The following ZFHX3 variants were observed in gnomAD, a reference collection of about 807,000 sequenced individuals.
The protein encoded by ZFHX3 is zinc finger homeobox protein 3.
A neutral mutation model predicts 279.1 loss-of-function variants in ZFHX3; 42 were observed. The observed-to-expected ratio is 0.15, with a 90% CI of 0.12 to 0.19. The LOEUF (loss-of-function observed/expected upper bound fraction) is 0.19, where lower values mean the gene tolerates loss of function less well. Ranked by LOEUF, ZFHX3 falls within the 10% of genes least tolerant of loss-of-function variation. ZFHX3 has a pLI of 1.00. For missense variants in ZFHX3, 4,981 were observed against 4,754.0 expected, an observed-to-expected ratio of 1.05 and a Z score of -1.40; for synonymous variants, 2,293 against 1,957.8, an observed-to-expected ratio of 1.17 and a Z score of -4.52.
At chr16:73,136,377 C>A (rs1393209757) in intron 6 of ZFHX3, among the ~76,000 whole-genome samples, 3 of 152,194 alleles carry the variant, frequency 2.0e-5, no homozygotes, top group Middle Eastern at 3.4e-3. Flanking sequence ...CAAAGAGCTT[C>A]ATTCTAAACT....
At position 72,998,484 on chromosome 16, in the gene ZFHX3, C is replaced by T. The variant is rs528984166; in HGVS notation, c.-49-38290G>A. On this transcript the variant is annotated intron_variant, in intron 1 of 9. Transcript: ENST00000268489. ...TCTTATTTAACCGAATCTGTCTACA[C>T]ATTATTTCAAACGTAATCGATCTAG... Among the ~76,000 whole-genome samples the T allele has an allele frequency of 9.2e-5, 14 of 152,316 alleles. No homozygotes were observed. In the East Asian group the frequency reaches 2.1e-3, roughly 23 times the overall value.
chr16:73,520,137 C>T (rs1372933198), intron 2 of ZFHX3, among the ~76,000 whole-genome samples: 1 of 152,018 alleles, frequency 6.6e-6, no homozygotes, highest in Non-Finnish European at 1.5e-5. Context: ...AAAAATGAGG[C>T]CTTCTTTAAG....
intron 4 of ZFHX3, among the ~76,000 whole-genome samples, chr16:72,876,668 A>C (rs889273927): frequency 7.2e-5 from 11 of 152,226 alleles, no homozygotes; most frequent in African/African-American, 2.4e-4. Flanking sequence ...TTTAGAGATA[A>C]TCTCTCTTCT....
Position 73,127,208 on chromosome 16 carries a change from TCGTGCGTGAGCTGTTACACAGCG to T in ZFHX3, c.-897+3737_-897+3759del, listed in dbSNP as rs1369319651. On this transcript the variant is annotated intron_variant, in intron 7 of 17. Transcript: ENST00000641206. ...GTCTGATCGATGCAAACCAGAGCAG[TCGTGCGTGAGCTGTTACACAGCG>T]GTTAGTATCGATCAGAGCTAAAGGC... 4 of 574,044 alleles carry T rather than the reference TCGTGCGTGAGCTGTTACACAGCG, an allele frequency of 7.0e-6. No homozygotes were observed. In the East Asian group the frequency reaches 2.8e-4, roughly 40 times the overall value. 35.6% of individuals were successfully genotyped at this position (574,044 alleles called of 1,614,324 possible). A position where few individuals can be genotyped will look rare whatever the true frequency, so the allele number is the denominator to read the frequency against.
At chr16:73,800,058 A>T (rs1296031155) in intron 1 of ZFHX3, among the ~76,000 whole-genome samples, 1 of 152,132 alleles carries the variant, frequency 6.6e-6, no homozygotes, top group East Asian at 1.9e-4. Flanking sequence ...ATATAAAACA[A>T]TGTTTAATAA....
At chr16:73,588,708 A>AAAAAC (rs2051954630) in intron 2 of ZFHX3, among the ~76,000 whole-genome samples, 1 of 131,276 alleles carries the variant, frequency 7.6e-6, no homozygotes, top group Non-Finnish European at 1.5e-5. Context: ...AAAACAAAAC[A>AAAAAC]AAAAAAAAAA....
intron 5 of ZFHX3, among the ~76,000 whole-genome samples, chr16:73,240,864 A>G (rs1418926740): frequency 3.3e-5 from 5 of 152,250 alleles, no homozygotes; most frequent in African/African-American, 1.2e-4. Flanking sequence ...AAATAGAGAA[A>G]AGGATCATCA....
chr16:73,138,008 T>C (rs1490035735), intron 6 of ZFHX3, among the ~76,000 whole-genome samples: 1 of 152,128 alleles, frequency 6.6e-6, no homozygotes, highest in East Asian at 1.9e-4. Context: ...ATTCTAATGA[T>C]TTCTTGACAA....
intron 1 of ZFHX3, among the ~76,000 whole-genome samples, chr16:73,843,873 C>A (rs1200776069): frequency 1.3e-5 from 2 of 152,230 alleles, no homozygotes; most frequent in Admixed American, 1.3e-4. Context: ...AGGGGCGTGG[C>A]TGTGTTTCAA....
At chr16:73,070,730 C>G (rs1012739236) in intron 8 of ZFHX3, among the ~76,000 whole-genome samples, 1 of 151,820 alleles carries the variant, frequency 6.6e-6, no homozygotes, top group South Asian at 2.1e-4. Context: ...CTCTCTCTCT[C>G]GCACATGTGA....
At chr16:72,887,690 G>T (rs1490914076) in intron 4 of ZFHX3, among the ~76,000 whole-genome samples, 1 of 146,194 alleles carries the variant, frequency 6.8e-6, no homozygotes, top group Non-Finnish European at 1.5e-5. Context: ...CATGTGGGGG[G>T]TGCAGTGTAT....
intron 1 of ZFHX3, among the ~76,000 whole-genome samples, chr16:73,775,410 A>G (rs1959222842): frequency 6.6e-6 from 1 of 152,126 alleles, no homozygotes; most frequent in Non-Finnish European, 1.5e-5. Context: ...CAGCTGAGAA[A>G]AGAAATACTA....
chr16:73,448,125 G>T (rs187918682), intron 3 of ZFHX3, among the ~76,000 whole-genome samples: 2 of 152,296 alleles, frequency 1.3e-5, no homozygotes, highest in Admixed American at 1.3e-4. Context: ...AGATATTAAT[G>T]CTCAGAGCCC....
In ZFHX3 at chr16:72,788,377, G is replaced by T. The variant is rs1052162067; in HGVS notation, c.9899C>A (p.Thr3300Lys). The T allele has an allele frequency of 2.5e-6, 4 of 1,614,122 alleles. No homozygotes were observed. Among genetic ancestry groups the T allele is most frequent in the East Asian group, 4.5e-5 (2 of 44,888 alleles). ...ALQAALTSDP[T>K]ALLTSQFLPY... is the part of the protein sequence containing the mutation. ...AAGGAACTGGCTTGTGAGCAATGCT[G>T]TGGGGTCCGAAGTCAACGCGGCCTG... is the stretch of plus-strand genomic sequence containing the variant. The change falls in exon 10 of 10, where the codon ACA (threonine) becomes AAA (lysine). Residue 3300 changes from threonine to lysine, a missense_variant. Thr to Lys is a moderately conservative substitution (Grantham distance 78). Transcript: ENST00000268489.
At chr16:73,696,843 G>A (rs928446542) in intron 1 of ZFHX3, among the ~76,000 whole-genome samples, 2 of 152,128 alleles carry the variant, frequency 1.3e-5, no homozygotes, top group African/African-American at 4.8e-5. Flanking sequence ...AAGTGAAGAG[G>A]CTATTTAAAC....
chr16:72,793,114 G>A lies in ZFHX3; in HGVS notation c.9427+141C>T, dbSNP rs2143372470. ...TTGGGAGACTCAACAGGAACGAACT[G>A]AAGTCTTGTTGCTTTTAAAGAACTA... On this transcript the variant is annotated intron_variant, in intron 9 of 9. Transcript: ENST00000268489. The surrounding 1 kb of genome is among the most constrained non-coding windows in gnomAD (Gnocchi z 4.3). 4.9e-6 allele frequency: 7 copies of A among 1,435,194 alleles called. No homozygotes were observed. The highest frequency in any genetic ancestry group is 6.5e-6 in the Non-Finnish European group (7 of 1,074,660). 88.9% of individuals were successfully genotyped at this position (1,435,194 alleles called of 1,614,324 possible).
intron 5 of ZFHX3, among the ~76,000 whole-genome samples, chr16:73,242,366 C>G (rs2013149145): frequency 6.6e-6 from 1 of 152,192 alleles, no homozygotes; most frequent in Non-Finnish European, 1.5e-5. Context: ...CCACACCCAC[C>G]CCATTAGCCT....
chr16:73,104,026 G>A (rs1315297695), intron 7 of ZFHX3, among the ~76,000 whole-genome samples: 3 of 152,096 alleles, frequency 2.0e-5, no homozygotes, highest in Admixed American at 2.0e-4. Context: ...GGTGGCCTCC[G>A]AGGAAGAACT....
At chr16:73,652,894 T>TA (rs1169016682) in intron 2 of ZFHX3, among the ~76,000 whole-genome samples, 3 of 151,922 alleles carry the variant, frequency 2.0e-5, no homozygotes, top group Non-Finnish European at 4.4e-5. Context: ...AACACAAAAG[T>TA]AAATGAACCA....
Sources: allele counts gnomAD v4.1 joint callset (sites outside exome capture counted in the v4.1 genomes callset), GRCh38; gene constraint gnomAD v4.1.1; non-coding constraint Gnocchi (gnomAD v3.1); transcripts MANE v1.5; gene names NCBI Gene and HGNC (gene_info 2026-07-23, HGNC 2026-07-21).